The following DAB1 variants were observed in gnomAD, a reference collection of about 807,000 sequenced individuals.
DAB1 encodes the protein DAB adaptor protein 1.
In DAB1, 15 loss-of-function variants were observed where a neutral mutation model predicts 64.6. The ratio of observed to expected loss-of-function variants is 0.23; its 90% CI spans 0.16 to 0.36. The LOEUF is 0.36. Among genes scored for constraint, DAB1 ranks in the 10% least tolerant of loss-of-function variants. DAB1 has a pLI of 1.00. For synonymous variants in DAB1, 235 were observed against 251.9 expected (o/e 0.93, Z 0.64); for missense variants, 596 against 706.7 (o/e 0.84, Z 1.78).
At chr1:57,297,405 T>A (rs1402612848) in intron 1 of DAB1, among the ~76,000 whole-genome samples, 1 of 152,120 alleles carries the variant, frequency 6.6e-6, no homozygotes. Flanking sequence ...TAGCTGTTTT[T>A]AGGAAACACA....
rs1478721586 is a variant in DAB1, at chr1:57,402,181, AAT to A, written c.-137+21747_-137+21748del. ...GGTCAATCTCATCTTGTAGTCAGGAAATATTAATTTGCTGATATGCTTTATGC... is the reference window on the plus strand; with the variant it reads ...GGTCAATCTCATCTTGTAGTCAGGAAATTAATTTGCTGATATGCTTTATGC... On this transcript the variant is annotated intron_variant, in intron 1 of 14. Coordinates refer to ENST00000371236, the MANE Select transcript of DAB1 (RefSeq NM_001365792.1). Among the ~76,000 whole-genome samples, 45 of 152,308 alleles carry A rather than the reference AAT, an allele frequency of 3.0e-4. No individual in the cohort carries two copies. The East Asian group carries it at 6.4e-3, about 22-fold the overall frequency.
intron 1 of DAB1, among the ~76,000 whole-genome samples, chr1:57,392,833 T>C (rs962602098): frequency 2.6e-5 from 4 of 152,102 alleles, no homozygotes; most frequent in Non-Finnish European, 5.9e-5. Context: ...ATGGGGACAG[T>C]AGAATGTCTG....
intron 2 of DAB1, among the ~76,000 whole-genome samples, chr1:57,286,052 GA>G (rs1401280662): frequency 6.6e-6 from 1 of 151,974 alleles, no homozygotes; most frequent in East Asian, 1.9e-4. Context: ...AAAATAAAAT[GA>G]AAAAAACAAC....
At chr1:58,453,212 G>A (rs1201114948) in intron 3 of DAB1, among the ~76,000 whole-genome samples, 1 of 152,106 alleles carries the variant, frequency 6.6e-6, no homozygotes, top group Non-Finnish European at 1.5e-5. Flanking sequence ...GTGATCACCG[G>A]GGGGTAGAGG....
chr1:57,497,446 G>C (rs997539855), intron 7 of DAB1, among the ~76,000 whole-genome samples: 1 of 152,182 alleles, frequency 6.6e-6, no homozygotes, highest in Non-Finnish European at 1.5e-5. Context: ...ACTGAGAAAA[G>C]AGTAGTGAGC....
intron 6 of DAB1, among the ~76,000 whole-genome samples, chr1:57,697,396 A>G (rs1646857026): frequency 6.9e-6 from 1 of 144,340 alleles, no homozygotes; most frequent in Non-Finnish European, 1.5e-5. Context: ...ATAGTTCACC[A>G]AGTCAGTACA....
chr1:57,136,405 A>G (rs1658094814), intron 4 of DAB1, 138 bp downstream of exon 4: 2 of 438,156 alleles, frequency 4.6e-6, no homozygotes, highest in Non-Finnish European at 8.0e-6. Context: ...TTGATGGATG[A>G]TCAGAGTTGA....
intron 3 of DAB1, chr1:58,473,839 G>A: frequency 1.7e-6 from 1 of 594,794 alleles, no homozygotes; most frequent in Non-Finnish European, 2.9e-6. Context: ...TCCCAAGACT[G>A]GTGTGTCTTC....
In DAB1 at chr1:58,070,383, G is replaced by T. The variant is rs185502673; in HGVS notation, n.387+80128C>A. 5.6e-3 allele frequency among the ~76,000 whole-genome samples: 854 copies of T among 152,246 alleles called. 24 individuals carry two copies. The South Asian group carries it at 0.086, about 15-fold the overall frequency. ...CACAGTACATGGATTTGCTGGTTTG[G>T]TCATCACAACAACCCCATGAGAGAG... On this transcript the variant is annotated intron_variant and non_coding_transcript_variant, in intron 5 of 20. Transcript: ENST00000485760.
At chr1:57,999,522 C>T (rs965951147) in intron 5 of DAB1, among the ~76,000 whole-genome samples, 4 of 152,190 alleles carry the variant, frequency 2.6e-5, no homozygotes, top group Non-Finnish European at 4.4e-5. Flanking sequence ...GAGCTTGGGT[C>T]TGAGGACAGA....
intron 7 of DAB1, among the ~76,000 whole-genome samples, chr1:57,430,756 GGTTTA>G (rs1243118088): frequency 5.3e-5 from 8 of 151,884 alleles, no homozygotes; most frequent in Non-Finnish European, 7.4e-5. Context: ...CAATTTCAAA[GGTTTA>G]TAATCCTCTC....
intron 1 of DAB1, among the ~76,000 whole-genome samples, chr1:58,527,572 G>T (rs2100466372): frequency 6.6e-6 from 1 of 152,256 alleles, no homozygotes; most frequent in East Asian, 1.9e-4. Context: ...TTTCTTGACA[G>T]TCTGTAGTAT....
At chr1:57,495,036 G>C (rs1644213249) in intron 7 of DAB1, among the ~76,000 whole-genome samples, 1 of 152,170 alleles carries the variant, frequency 6.6e-6, no homozygotes, top group African/African-American at 2.4e-5. Flanking sequence ...ATTTAGCCCA[G>C]TGCTATCTTG....
chr1:57,053,755 T>C (rs1005060319), intron 9 of DAB1, among the ~76,000 whole-genome samples: 20 of 147,662 alleles, frequency 1.4e-4, no homozygotes, highest in African/African-American at 4.7e-4. Flanking sequence ...TGGCATGATC[T>C]CGGCTCACTG....
intron 7 of DAB1, among the ~76,000 whole-genome samples, chr1:57,570,051 G>T (rs1361929184): frequency 2.6e-5 from 4 of 152,094 alleles, no homozygotes; most frequent in Non-Finnish European, 5.9e-5. Flanking sequence ...TGGATTGAAG[G>T]ATATAAAGTA....
chr1:57,292,493 T>C (rs1031525188), intron 1 of DAB1, among the ~76,000 whole-genome samples: 77 of 152,280 alleles, frequency 5.1e-4, no homozygotes, highest in African/African-American at 1.8e-3. Context: ...AATGAGAATT[T>C]ATCCTGTCAC....
chr1:57,900,507 T>C (rs1311879152), intron 5 of DAB1, among the ~76,000 whole-genome samples: 2 of 152,202 alleles, frequency 1.3e-5, no homozygotes, highest in Non-Finnish European at 1.5e-5. Context: ...GCAGCCCTGA[T>C]GGCTGACTAG....
Position 57,355,667 on chromosome 1 carries a change from G to A in DAB1, c.-136-64501C>T, listed in dbSNP as rs558674084. Reference sequence around the variant, plus strand: ...TAAAGGCAAAAGATCGTGGTATTTCGTGGTATTTCATGGTATTTTCAAGAA... The same window carrying A: ...TAAAGGCAAAAGATCGTGGTATTTCATGGTATTTCATGGTATTTTCAAGAA... On this transcript the variant is annotated intron_variant, in intron 1 of 14. Transcript: ENST00000371236. Among the ~76,000 whole-genome samples, 24 of 152,092 alleles carry A rather than the reference G, an allele frequency of 1.6e-4. No homozygotes were observed. In the South Asian group the frequency reaches 3.3e-3, roughly 21 times the overall value.
intron 9 of DAB1, among the ~76,000 whole-genome samples, chr1:57,035,502 G>A (rs1300786563): frequency 6.6e-6 from 1 of 152,074 alleles, no homozygotes; most frequent in Non-Finnish European, 1.5e-5. Flanking sequence ...TGGAGCTGAG[G>A]TGTGATGAGG....
Sources: gnomAD v4.1 joint callset for allele counts (sites outside exome capture counted in the v4.1 genomes callset) on GRCh38, gnomAD v4.1.1 for gene constraint, MANE v1.5 for transcripts, NCBI Gene and HGNC (gene_info 2026-07-23, HGNC 2026-07-21) for gene names.